The following PSMB2 variants were observed in gnomAD, a reference collection of about 807,000 sequenced individuals.
PSMB2 encodes the protein proteasome 20S subunit beta 2, also known as proteasome subunit beta type-2.
A neutral mutation model predicts 25.7 loss-of-function variants in PSMB2; 13 were observed. The observed-to-expected ratio is 0.51, with a 90% CI of 0.33 to 0.80. The LOEUF (loss-of-function observed/expected upper bound fraction) is 0.80, where lower values mean the gene tolerates loss of function less well. PSMB2 is among the 30% of genes least tolerant of loss of function. PSMB2 has a pLI of 0.02. For synonymous variants in PSMB2, 87 were observed against 96.2 expected (o/e 0.90, Z 0.56); for missense variants, 202 against 259.0 (o/e 0.78, Z 1.51).
chr1:35,616,659 C>G (rs909384464), intron 3 of PSMB2, among the ~76,000 whole-genome samples: 1 of 152,158 alleles, frequency 6.6e-6, no homozygotes, highest in Non-Finnish European at 1.5e-5. Flanking sequence ...AATAAATACC[C>G]ATGATGATAG....
Position 35,600,695 on chromosome 1 carries a change from T to G in PSMB2, c.*2572A>C. 1 of 985,278 alleles carries G rather than the reference T, an allele frequency of 1.0e-6. No individual in the cohort carries two copies. The highest frequency in any genetic ancestry group is 1.2e-6 in the Non-Finnish European group (1 of 829,888). The allele number at this position is 985,278 out of a possible 1,614,324, so 61.0% of individuals were successfully genotyped here. A position where few individuals can be genotyped will look rare whatever the true frequency, so the allele number is the denominator to read the frequency against. ...GTGAGCTATCTAGGAATGAGTTGAT[T>G]TGGAGCTCAGGAAAGAGATCCAGAT... On this transcript the variant is annotated 3_prime_UTR_variant, in exon 6 of 6. Transcript: ENST00000373237.
chr1:35,611,589 C>T (rs575272634), intron 3 of PSMB2, among the ~76,000 whole-genome samples: 2 of 151,930 alleles, frequency 1.3e-5, no homozygotes, highest in African/African-American at 2.4e-5. Context: ...TTTGGGAGGC[C>T]GAGGCGGGCA....
At chr1:35,632,464 T>A (rs1266205260) in intron 2 of PSMB2, among the ~76,000 whole-genome samples, 1 of 152,194 alleles carries the variant, frequency 6.6e-6, no homozygotes, top group Non-Finnish European at 1.5e-5. Flanking sequence ...ACTGTCAAAT[T>A]AGGAGAGATT....
At chr1:35,607,646 T>G (rs1257390448) in intron 4 of PSMB2, among the ~76,000 whole-genome samples, 1 of 152,126 alleles carries the variant, frequency 6.6e-6, no homozygotes, top group Non-Finnish European at 1.5e-5. Flanking sequence ...CAAATAGAAC[T>G]ACCATATGAT....
At chr1:35,628,622 TATATA>T (rs1221445589) in intron 3 of PSMB2, among the ~76,000 whole-genome samples, 26 of 50,958 alleles carry the variant, frequency 5.1e-4, no homozygotes, top group East Asian at 3.6e-3. Flanking sequence ...TATATATATA[TATATA>T]TATATTTTTT....
intron 3 of PSMB2, among the ~76,000 whole-genome samples, chr1:35,617,344 G>A (rs1015563577): frequency 1.3e-5 from 2 of 152,058 alleles, no homozygotes; most frequent in Non-Finnish European, 2.9e-5. Flanking sequence ...CATCATGCCC[G>A]GCCTTGTACC....
chr1:35,629,668 G>A (rs1349126426), intron 3 of PSMB2, among the ~76,000 whole-genome samples: 1 of 152,004 alleles, frequency 6.6e-6, no homozygotes, highest in Non-Finnish European at 1.5e-5. Flanking sequence ...AAATTAGCCA[G>A]ATGTGGTGGT....
chr1:35,637,181 C>T (rs956325351), intron 1 of PSMB2, among the ~76,000 whole-genome samples: 2 of 152,058 alleles, frequency 1.3e-5, no homozygotes, highest in Non-Finnish European at 2.9e-5. Context: ...TATACACATA[C>T]AAAAGCATAT....
chr1:35,611,869 C>T (rs1650354876), intron 3 of PSMB2, among the ~76,000 whole-genome samples: 1 of 151,838 alleles, frequency 6.6e-6, no homozygotes. Flanking sequence ...TGGGGTCTCA[C>T]TATGTTGCCC....
At chr1:35,606,644 A>G (rs1650178196) in intron 4 of PSMB2, among the ~76,000 whole-genome samples, 1 of 152,168 alleles carries the variant, frequency 6.6e-6, no homozygotes, top group South Asian at 2.1e-4. Flanking sequence ...TATATATTCA[A>G]TGCAATCCCT....
chr1:35,632,026 C>A (rs115835697), intron 2 of PSMB2, among the ~76,000 whole-genome samples: 1 of 151,640 alleles, frequency 6.6e-6, no homozygotes. Context: ...TCTAAAAAAA[C>A]GAAAACAGGA....
intron 3 of PSMB2, among the ~76,000 whole-genome samples, chr1:35,628,626 TATATA>T (rs1222497448): frequency 3.4e-4 from 17 of 49,798 alleles, no homozygotes; most frequent in Admixed American, 6.5e-4. Flanking sequence ...TATATATATA[TATATA>T]TTTTTTTTTT....
At chr1:35,606,656 T>C (rs1306766505) in intron 4 of PSMB2, among the ~76,000 whole-genome samples, 1 of 152,078 alleles carries the variant, frequency 6.6e-6, no homozygotes, top group Non-Finnish European at 1.5e-5. Context: ...GCAATCCCTA[T>C]CAAAATGCCA....
intron 3 of PSMB2, among the ~76,000 whole-genome samples, chr1:35,628,578 GAA>G (rs67766222): frequency 2.2e-3 from 73 of 32,902 alleles, no homozygotes; most frequent in Admixed American, 4.6e-3. Context: ...TTTCTTGGAA[GAA>G]AAAAAAAAAA....
intron 4 of PSMB2, among the ~76,000 whole-genome samples, chr1:35,606,886 G>C (rs1650185408): frequency 6.6e-6 from 1 of 152,088 alleles, no homozygotes; most frequent in Admixed American, 6.5e-5. Context: ...GAGAAATTAA[G>C]AAATTAAGCC....
intron 3 of PSMB2, among the ~76,000 whole-genome samples, chr1:35,615,487 T>C (rs376167173): frequency 2.1e-4 from 32 of 152,258 alleles, no homozygotes; most frequent in African/African-American, 7.7e-4. Flanking sequence ...AGAAACACTG[T>C]AGTAACTAAG....
chr1:35,629,905 G>A (rs1651040043), intron 3 of PSMB2, among the ~76,000 whole-genome samples: 1 of 151,824 alleles, frequency 6.6e-6, no homozygotes, highest in East Asian at 1.9e-4. Flanking sequence ...GCGGTGGCTC[G>A]CGCCTGTAAT....
intron 5 of PSMB2, 145 bp downstream of exon 5, chr1:35,605,088 T>C (rs1314776891): frequency 4.3e-6 from 3 of 698,156 alleles, no homozygotes; most frequent in South Asian, 3.8e-5. Flanking sequence ...CCAAACTCTA[T>C]CCCTGGTAGC....
rs987587086 is a variant in PSMB2 at position 35,609,551 on chromosome 1, G to C, written c.286-143C>G. ...AAATCACAATGAAAGTAAAAATGTA[G>C]GGAAATCTAGAGGACCTGGAGTATG... On this transcript the variant is annotated intron_variant, in intron 3 of 5. Coordinates refer to ENST00000373237, the MANE Select transcript of PSMB2 (RefSeq NM_002794.5). 5 of 811,672 alleles carry C rather than the reference G, an allele frequency of 6.2e-6. No individual in the cohort carries two copies. The Admixed American group carries it at 1.9e-4, about 31-fold the overall frequency. The allele number at this position is 811,672 out of a possible 1,614,324, so 50.3% of individuals were successfully genotyped here. A position where few individuals can be genotyped will look rare whatever the true frequency, so the allele number is the denominator to read the frequency against.
Sources: gnomAD v4.1 joint callset for allele counts (sites outside exome capture counted in the v4.1 genomes callset) on GRCh38, gnomAD v4.1.1 for gene constraint, MANE v1.5 for transcripts, NCBI Gene and HGNC (gene_info 2026-07-23, HGNC 2026-07-21) for gene names.